The following ADAM10 variants were observed in gnomAD, a reference collection of about 807,000 sequenced individuals.
The protein encoded by ADAM10 is disintegrin and metalloproteinase domain-containing protein 10.
A neutral mutation model predicts 90.1 loss-of-function variants in ADAM10; 17 were observed. That is an observed-to-expected ratio of 0.19 (90% CI 0.13 to 0.28). The LOEUF is 0.28. Ranked by LOEUF, ADAM10 falls within the 10% of genes least tolerant of loss-of-function variation. The pLI, the probability that ADAM10 is intolerant of heterozygous loss-of-function variation, is 1.00. For missense variants in ADAM10, 610 were observed against 914.3 expected (o/e 0.67, Z 4.29); for synonymous variants, 310 against 298.6 (o/e 1.04, Z -0.40).
chr15:58,593,061 A>C lies in ADAM10; in HGVS notation c.*4486T>G, dbSNP rs1372575690. The C allele has an allele frequency of 1.3e-5, 2 of 149,894 alleles. No homozygotes were observed. The highest frequency in any genetic ancestry group is 1.3e-4 in the Admixed American group (2 of 15,038). 9.3% of individuals were successfully genotyped at this position (149,894 alleles called of 1,614,324 possible). A position where few individuals can be genotyped will look rare whatever the true frequency, so the allele number is the denominator to read the frequency against. ...ATGTGATATACATTATCAATGTACC[A>C]TTAAATGAGAAAGGTGGGTTACAAA... On this transcript the variant is annotated 3_prime_UTR_variant, in exon 16 of 16. Coordinates refer to ENST00000260408, the MANE Select transcript of ADAM10 (RefSeq NM_001110.4).
At chr15:58,701,486 C>A (rs546293421) in intron 2 of ADAM10, among the ~76,000 whole-genome samples, 2 of 152,242 alleles carry the variant, frequency 1.3e-5, no homozygotes, top group African/African-American at 4.8e-5. Context: ...TAATAAATAA[C>A]AAATGCTGGC....
rs201527102 is a variant in ADAM10 at position 58,646,038 on chromosome 15, C to T, written c.735+17G>A. 3.6e-5 allele frequency: 58 copies of T among 1,612,248 alleles called. No homozygotes were observed. The highest frequency in any genetic ancestry group is 1.7e-4 in the Middle Eastern group (1 of 5,850). On this transcript the variant is annotated intron_variant, in intron 6 of 15. Coordinates refer to ENST00000260408, the MANE Select transcript of ADAM10 (RefSeq NM_001110.4). The stretch of plus-strand genomic sequence containing the variant: ...AACAATATGGGAACTACTAAAATAG[C>T]GCATAATCATAAATACCTGGGCAAT...
intron 4 of ADAM10, among the ~76,000 whole-genome samples, chr15:58,669,359 T>G (rs1477262181): frequency 2.6e-5 from 4 of 152,156 alleles, no homozygotes; most frequent in African/African-American, 9.7e-5. Context: ...CAATGACCAG[T>G]AAACCACTGG....
At chr15:58,714,822 A>G (rs1249524896) in intron 2 of ADAM10, among the ~76,000 whole-genome samples, 1 of 152,166 alleles carries the variant, frequency 6.6e-6, no homozygotes, top group Non-Finnish European at 1.5e-5. Context: ...GTTACAGTGT[A>G]CCAAGACTAA....
At chr15:58,622,822 C>A (rs1266091706) in intron 10 of ADAM10, among the ~76,000 whole-genome samples, 1 of 152,118 alleles carries the variant, frequency 6.6e-6, no homozygotes, top group African/African-American at 2.4e-5. Flanking sequence ...AATCAAAGAG[C>A]TTTAGCAACT....
At chr15:58,743,182 A>G (rs1899671253) in intron 1 of ADAM10, among the ~76,000 whole-genome samples, 1 of 151,944 alleles carries the variant, frequency 6.6e-6, no homozygotes, top group African/African-American at 2.4e-5. Flanking sequence ...TGCCCCTGTG[A>G]TTTTGGGCTT....
intron 14 of ADAM10, among the ~76,000 whole-genome samples, chr15:58,603,848 C>T (rs1375995737): frequency 3.2e-5 from 4 of 125,166 alleles, no homozygotes; most frequent in African/African-American, 1.2e-4. Flanking sequence ...ACAAGAAATC[C>T]ATCCTAGAAA....
At chr15:58,692,561 C>T (rs751428412) in intron 2 of ADAM10, 2 of 545,350 alleles carry the variant, frequency 3.7e-6, no homozygotes, top group African/African-American at 1.9e-5. Flanking sequence ...AAATAAACGG[C>T]GATAAGACAG....
chr15:58,610,791 C>G (rs993216119), intron 13 of ADAM10: 1 of 632,746 alleles, frequency 1.6e-6, no homozygotes, highest in African/African-American at 1.8e-5. Flanking sequence ...AAGCTGGCAA[C>G]GTTTTGTCTA....
chr15:58,657,960 T>C (rs749727536), intron 5 of ADAM10, among the ~76,000 whole-genome samples: 11 of 151,926 alleles, frequency 7.2e-5, no homozygotes, highest in South Asian at 6.3e-4. Flanking sequence ...ATCAGAGACA[T>C]TGTGGACATT....
At chr15:58,639,359 C>G (rs971055288) in intron 8 of ADAM10, among the ~76,000 whole-genome samples, 1 of 152,264 alleles carries the variant, frequency 6.6e-6, no homozygotes, top group East Asian at 1.9e-4. Flanking sequence ...TTTGAGACTT[C>G]ACAGCTACTG....
intron 14 of ADAM10, among the ~76,000 whole-genome samples, chr15:58,602,641 C>CAT (rs1349766744): frequency 6.6e-6 from 1 of 152,034 alleles, no homozygotes; most frequent in African/African-American, 2.4e-5. Flanking sequence ...CACACATATT[C>CAT]ATATATATAT....
chr15:58,696,109 T>C (rs1595629537), intron 2 of ADAM10, among the ~76,000 whole-genome samples: 1 of 151,732 alleles, frequency 6.6e-6, no homozygotes, highest in East Asian at 1.9e-4. Flanking sequence ...AGAGTGAGAC[T>C]CCACCTCAAA....
intron 14 of ADAM10, among the ~76,000 whole-genome samples, chr15:58,605,443 T>C (rs1414092194): frequency 7.4e-6 from 1 of 135,618 alleles, no homozygotes; most frequent in Non-Finnish European, 1.5e-5. Flanking sequence ...GCCACCTTTA[T>C]AGTTTTCCTT....
chr15:58,589,134 G>A lies in ADAM10; in HGVS notation c.*8413C>T, dbSNP rs1894773909. The A allele has an allele frequency of 6.6e-6, 1 of 152,072 alleles. No homozygotes were observed. The highest frequency in any genetic ancestry group is 1.5e-5 in the Non-Finnish European group (1 of 68,014). The allele number at this position is 152,072 out of a possible 1,614,324, so 9.4% of individuals were successfully genotyped here. A position where few individuals can be genotyped will look rare whatever the true frequency, so the allele number is the denominator to read the frequency against. On this transcript the variant is annotated 3_prime_UTR_variant, in exon 16 of 16. Transcript: ENST00000260408. ...ATCAGCTTCATTGCCTATTTACAAAGCACACAACAAAACAAATGTTTATTG... is the reference window on the plus strand; with the variant it reads ...ATCAGCTTCATTGCCTATTTACAAAACACACAACAAAACAAATGTTTATTG...
chr15:58,741,353 T>A (rs1236725675), intron 1 of ADAM10, among the ~76,000 whole-genome samples: 3 of 152,208 alleles, frequency 2.0e-5, no homozygotes, highest in Non-Finnish European at 4.4e-5. Context: ...AGTATATCTT[T>A]AAACTAATCT....
Position 58,597,472 on chromosome 15 carries a change from T to A in ADAM10, c.*75A>T, listed in dbSNP as rs1339864978. 6.2e-7 allele frequency: 1 copy of A among 1,610,326 alleles called. No individual in the cohort carries two copies. Among genetic ancestry groups the A allele is most frequent in the African/African-American group, 1.3e-5 (1 of 74,894 alleles). On this transcript the variant is annotated 3_prime_UTR_variant, in exon 16 of 16. Coordinates refer to ENST00000260408, the MANE Select transcript of ADAM10 (RefSeq NM_001110.4). ...TTGTGAGGGTTTAGTTTGGAGATGA[T>A]GACTTAATAGGTTTCTCTTTGGAGT...
intron 1 of ADAM10, among the ~76,000 whole-genome samples, chr15:58,725,542 AAAAATTAAAATT>A: frequency 6.6e-6 from 1 of 151,730 alleles, no homozygotes; most frequent in Non-Finnish European, 1.5e-5. Context: ...TCTCAAAAAT[AAAAATTAAAATT>A]AAAAATATAA....
intron 4 of ADAM10, among the ~76,000 whole-genome samples, chr15:58,678,634 T>C (rs1355041358): frequency 6.6e-6 from 1 of 152,158 alleles, no homozygotes; most frequent in Non-Finnish European, 1.5e-5. Flanking sequence ...AAATCCATGA[T>C]AAACGTGGAC....
Sources: allele counts gnomAD v4.1 joint callset (sites outside exome capture counted in the v4.1 genomes callset), GRCh38; gene constraint gnomAD v4.1.1; transcripts MANE v1.5; gene names NCBI Gene and HGNC (gene_info 2026-07-23, HGNC 2026-07-21).